KIF6: variants seen among roughly 807,000 people sequenced by gnomAD.
KIF6 encodes the protein kinesin-like protein KIF6.
A neutral mutation model predicts 112.7 loss-of-function variants in KIF6; 106 were observed. The observed-to-expected ratio is 0.94, with a 90% CI of 0.80 to 1.11. KIF6 has a LOEUF of 1.11. KIF6 is among the 50% of genes least tolerant of loss of function. The probability of loss-of-function intolerance (pLI) is 0.00; values close to 1 mark genes in which losing one functional copy is unlikely to be tolerated. For missense variants in KIF6, 929 were observed against 964.0 expected, an observed-to-expected ratio of 0.96 and a Z score of 0.48; for synonymous variants, 339 against 339.9, an observed-to-expected ratio of 1.00 and a Z score of 0.03.
At chr6:39,685,547 G>GT (rs1787810582) in intron 3 of KIF6, among the ~76,000 whole-genome samples, 1 of 152,234 alleles carries the variant, frequency 6.6e-6, no homozygotes, top group African/African-American at 2.4e-5. Flanking sequence ...TATTAGGACT[G>GT]TAAGTCTGCA....
At chr6:39,390,020 G>T (rs1767737789) in intron 15 of KIF6, among the ~76,000 whole-genome samples, 1 of 104,738 alleles carries the variant, frequency 9.5e-6, no homozygotes, top group African/African-American at 5.0e-5. Flanking sequence ...AACAGAATGA[G>T]ACTCTGTCTC....
At chr6:39,422,563 T>TG (rs1424774915) in intron 14 of KIF6, among the ~76,000 whole-genome samples, 1 of 152,180 alleles carries the variant, frequency 6.6e-6, no homozygotes, top group Non-Finnish European at 1.5e-5. Context: ...TCCTGATCCC[T>TG]GGTTGTCAAG....
chr6:39,340,530 C>G (rs1763270248), intron 22 of KIF6, among the ~76,000 whole-genome samples: 1 of 152,228 alleles, frequency 6.6e-6, no homozygotes, highest in South Asian at 2.1e-4. Flanking sequence ...GATACAACCT[C>G]TGTGTGCCTC....
rs139207938 is a variant in KIF6, at chr6:39,666,457, C to G, written c.252-26700G>C. On this transcript the variant is annotated intron_variant, in intron 3 of 22. Transcript: ENST00000287152. ...TTGATTTAAAAAATAGTGGGGACAG[C>G]TTTGAAAGTGCCAACCATTAGCCAA... is the stretch of plus-strand genomic sequence containing the variant. 7.9e-4 allele frequency among the ~76,000 whole-genome samples: 120 copies of G among 152,232 alleles called. 1 individual carries two copies. The highest frequency in any genetic ancestry group is 2.7e-3 in the African/African-American group (114 of 41,540).
In KIF6 at chr6:39,431,081, C is replaced by T. The variant is rs769475559; in HGVS notation, c.1726G>A (p.Asp576Asn). 1.2e-5 allele frequency: 20 copies of T among 1,612,754 alleles called. No homozygotes were observed. Among genetic ancestry groups the T allele is most frequent in the East Asian group, 4.5e-5 (2 of 44,878 alleles). ...KRDHADSVTIDDNKQILKQRF... is the reference protein window; with the variant it reads ...KRDHADSVTINDNKQILKQRF... ...TGTTTCAGAATCTGTTTGTTGTCAT[C>T]GATGGTAACGCTGTCAGCGTGGTCC... The change falls in exon 14 of 23, where the codon GAT (aspartate) becomes AAT (asparagine). Residue 576 changes from aspartate (D) to asparagine (N), a missense_variant. Asp to Asn is a conservative substitution (Grantham distance 23). Around this residue, in one of 2 missense-constraint regions of KIF6, gnomAD observed 241 missense variants for 301.4 expected, o/e 0.80. Coordinates refer to ENST00000287152, the MANE Select transcript of KIF6 (RefSeq NM_145027.6).
intron 16 of KIF6, among the ~76,000 whole-genome samples, chr6:39,365,163 A>G (rs1765461740): frequency 6.6e-6 from 1 of 152,166 alleles, no homozygotes; most frequent in Non-Finnish European, 1.5e-5. Context: ...ACTGATAACT[A>G]TGCTAACTGG....
chr6:39,411,527 A>AAT (rs749733348), intron 15 of KIF6, among the ~76,000 whole-genome samples: 39 of 152,294 alleles, frequency 2.6e-4, no homozygotes, highest in Middle Eastern at 3.4e-3. Context: ...AGTGGGATAA[A>AAT]ATTATGGTTT....
chr6:39,636,189 C>G (rs573286305), intron 4 of KIF6, among the ~76,000 whole-genome samples: 132 of 152,142 alleles, frequency 8.7e-4, no homozygotes, highest in African/African-American at 2.9e-3. Context: ...ATCTGTTCTT[C>G]AGTGTAAAAT....
At chr6:39,437,653 A>G (rs1036397915) in intron 13 of KIF6, among the ~76,000 whole-genome samples, 1 of 152,220 alleles carries the variant, frequency 6.6e-6, no homozygotes, top group African/African-American at 2.4e-5. Flanking sequence ...ACATGTCACC[A>G]TGCTTACTGG....
chr6:39,371,112 T>C (rs139727806), intron 16 of KIF6, among the ~76,000 whole-genome samples: 16 of 152,250 alleles, frequency 1.1e-4, no homozygotes, highest in African/African-American at 3.9e-4. Context: ...TCTACCAACA[T>C]GATGTTCCTG....
rs1766605158 is a variant in KIF6, at chr6:39,378,180, T to G, written c.1861+7442A>C. ...AAGCGTAAATGCAGAGAAACCCCCA[T>G]CCCGCACACAAACACACAAACCACA... On this transcript the variant is annotated intron_variant, in intron 16 of 22. Transcript: ENST00000287152. This position sits in a 1 kb window ranked among gnomAD's most constrained non-coding sequence, Gnocchi z 5.0. Among the ~76,000 whole-genome samples the G allele has an allele frequency of 6.6e-6, 1 of 151,630 alleles. No homozygotes were observed. Among genetic ancestry groups the G allele is most frequent in the African/African-American group, 2.4e-5 (1 of 41,238 alleles).
chr6:39,544,324 C>T (rs958840433), intron 12 of KIF6, among the ~76,000 whole-genome samples: 2 of 152,184 alleles, frequency 1.3e-5, no homozygotes, highest in African/African-American at 4.8e-5. Flanking sequence ...AAAATGTTCC[C>T]TGCAAGAGTA....
chr6:39,635,057 C>T (rs1784555520), intron 4 of KIF6, 99 bp from the exon 5 acceptor site: 1 of 685,912 alleles, frequency 1.5e-6, no homozygotes, highest in African/African-American at 1.8e-5. Flanking sequence ...CATAGTTTCT[C>T]TCTTTTTCTC....
intron 19 of KIF6, among the ~76,000 whole-genome samples, chr6:39,350,974 C>T (rs907739946): frequency 6.6e-6 from 1 of 152,136 alleles, no homozygotes; most frequent in African/African-American, 2.4e-5. Context: ...AGCATCCAAC[C>T]AGCTCGCCGG....
intron 3 of KIF6, among the ~76,000 whole-genome samples, chr6:39,645,954 A>G (rs1313222053): frequency 6.8e-6 from 1 of 147,064 alleles, no homozygotes; most frequent in Non-Finnish European, 1.5e-5. Flanking sequence ...GGAACATCAC[A>G]CACCGGGGCC....
intron 10 of KIF6, among the ~76,000 whole-genome samples, chr6:39,551,279 G>T (rs1582114447): frequency 6.6e-6 from 1 of 152,084 alleles, no homozygotes; most frequent in East Asian, 1.9e-4. Context: ...TCACACGTGG[G>T]AACTAAATAA....
intron 10 of KIF6, among the ~76,000 whole-genome samples, chr6:39,571,931 T>C (rs1780662090): frequency 2.1e-5 from 3 of 144,948 alleles, no homozygotes; most frequent in Admixed American, 2.1e-4. Flanking sequence ...GGGTGCCTTC[T>C]TCCTCTTGAC....
rs1199622135 is a variant in KIF6, at chr6:39,720,804, GAATA to G, written c.70_73del (p.Tyr24ProfsTer2). 1 of 1,466,808 alleles carries G rather than the reference GAATA, an allele frequency of 6.8e-7. No homozygotes were observed. Among genetic ancestry groups the G allele is most frequent in the African/African-American group, 1.4e-5 (1 of 71,996 alleles). The allele number at this position is 1,466,808 out of a possible 1,614,324, so 90.9% of individuals were successfully genotyped here. A position where few individuals can be genotyped will look rare whatever the true frequency, so the allele number is the denominator to read the frequency against. On this transcript the variant is annotated frameshift_variant, in exon 2 of 23. Coordinates refer to ENST00000287152, the MANE Select transcript of KIF6 (RefSeq NM_145027.6). LOFTEE classifies it high-confidence loss of function. ...TATTAATTTTTCATCTTCATCTATG[GAATA>G]AATCTGCAAATGTGAAGACAACAAA... is the stretch of plus-strand genomic sequence containing the variant.
At chr6:39,505,175 G>A (rs1776359060) in intron 13 of KIF6, among the ~76,000 whole-genome samples, 1 of 152,128 alleles carries the variant, frequency 6.6e-6, no homozygotes, top group African/African-American at 2.4e-5. Flanking sequence ...AAACAGAATA[G>A]AGAACCCAGA....
Sources: allele counts gnomAD v4.1 joint callset (sites outside exome capture counted in the v4.1 genomes callset), GRCh38; gene constraint gnomAD v4.1.1; regional missense constraint gnomAD v4.1.1; non-coding constraint Gnocchi (gnomAD v3.1); transcripts MANE v1.5; gene names NCBI Gene and HGNC (gene_info 2026-07-23, HGNC 2026-07-21).